Variants in LRP6 observed in about 807,000 individuals in gnomAD.
LRP6 encodes low-density lipoprotein receptor-related protein 6.
LRP6 carries 43 observed loss-of-function variants against 184.1 expected under a neutral mutation model. The observed-to-expected ratio is 0.23, with a 90% CI of 0.18 to 0.30. The LOEUF (loss-of-function observed/expected upper bound fraction) is 0.30, where lower values mean the gene tolerates loss of function less well. LRP6 is among the 10% of genes least tolerant of loss of function. LRP6 has a pLI of 1.00. For missense variants in LRP6, 1,571 were observed against 2,005.3 expected, an observed-to-expected ratio of 0.78 and a Z score of 4.14; for synonymous variants, 719 against 684.9, an observed-to-expected ratio of 1.05 and a Z score of -0.78.
At chr12:12,130,625 T>C (rs1026893093) in intron 19 of LRP6, among the ~76,000 whole-genome samples, 158 bp downstream of exon 19, 5 of 152,216 alleles carry the variant, frequency 3.3e-5, no homozygotes, top group Non-Finnish European at 7.3e-5. Flanking sequence ...AAAGAATTAC[T>C]GAAAGCAAAA....
chr12:12,130,607 C>T (rs974043170), intron 19 of LRP6, among the ~76,000 whole-genome samples, 176 bp downstream of exon 19: 2 of 152,124 alleles, frequency 1.3e-5, no homozygotes, highest in Admixed American at 1.3e-4. Flanking sequence ...AAGAAAACTG[C>T]TATGTTTAAA....
intron 12 of LRP6, chr12:12,155,276 G>C: frequency 1.3e-6 from 1 of 748,420 alleles, no homozygotes; most frequent in Non-Finnish European, 2.5e-6. Context: ...TGAACACAAA[G>C]GGAAAGAGGA....
chr12:12,219,072 G>T (rs1359690766), intron 2 of LRP6, among the ~76,000 whole-genome samples: 3 of 143,188 alleles, frequency 2.1e-5, no homozygotes, highest in Non-Finnish European at 4.6e-5. Flanking sequence ...ATCGCACCGA[G>T]ATCTCACCAC....
chr12:12,258,694 T>C (rs1247272961), intron 1 of LRP6, among the ~76,000 whole-genome samples: 2 of 152,260 alleles, frequency 1.3e-5, no homozygotes, highest in Admixed American at 6.5e-5. Flanking sequence ...TAAGAATTCA[T>C]GGTAATGAAG....
At chr12:12,169,234 GA>G in intron 7 of LRP6, among the ~76,000 whole-genome samples, 1 of 148,750 alleles carries the variant, frequency 6.7e-6, no homozygotes, top group Admixed American at 6.7e-5. Flanking sequence ...GCCTCAAAAT[GA>G]TAATAATAAT....
intron 1 of LRP6, among the ~76,000 whole-genome samples, chr12:12,256,237 G>A (rs2135938323): frequency 6.6e-6 from 1 of 152,312 alleles, no homozygotes; most frequent in East Asian, 1.9e-4. Flanking sequence ...ACTATTTAGT[G>A]CTTCTCCAGC....
intron 2 of LRP6, among the ~76,000 whole-genome samples, chr12:12,219,619 C>G (rs2135867162): frequency 6.6e-6 from 1 of 152,336 alleles, no homozygotes; most frequent in Admixed American, 6.5e-5. Context: ...AATCCTGTAA[C>G]CATTCCCTTT....
At chr12:12,223,230 T>A (rs984753877) in intron 2 of LRP6, among the ~76,000 whole-genome samples, 2 of 151,780 alleles carry the variant, frequency 1.3e-5, no homozygotes, top group Admixed American at 6.6e-5. Flanking sequence ...CCAAACCTTT[T>A]AGATGCATGT....
intron 7 of LRP6, among the ~76,000 whole-genome samples, chr12:12,169,596 C>G (rs1195668369): frequency 2.6e-5 from 4 of 152,126 alleles, no homozygotes; most frequent in Admixed American, 2.6e-4. Flanking sequence ...TATTAACAAG[C>G]TCAACAAAGG....
intron 9 of LRP6, among the ~76,000 whole-genome samples, chr12:12,163,620 A>G (rs972269397): frequency 6.6e-6 from 1 of 152,208 alleles, no homozygotes; most frequent in Admixed American, 6.5e-5. Context: ...AATTTTGTTT[A>G]AAGTAAATCA....
intron 1 of LRP6, among the ~76,000 whole-genome samples, chr12:12,257,300 C>T (rs557051752): frequency 2.0e-5 from 3 of 152,122 alleles, no homozygotes; most frequent in South Asian, 2.1e-4. Flanking sequence ...CTTGACAGGC[C>T]GGGTGCGGTG....
chr12:12,249,175 GAA>G (rs1354216568), intron 1 of LRP6: 10 of 727,838 alleles, frequency 1.4e-5, no homozygotes, highest in Non-Finnish European at 2.0e-5. Context: ...TATGAAAACT[GAA>G]TATACAGCCT....
At chr12:12,185,354 G>A (rs1251371514) in intron 4 of LRP6, among the ~76,000 whole-genome samples, 1 of 152,076 alleles carries the variant, frequency 6.6e-6, no homozygotes, top group Non-Finnish European at 1.5e-5. Context: ...ATTCATACAA[G>A]TGACTGAACA....
intron 7 of LRP6, among the ~76,000 whole-genome samples, chr12:12,172,724 AAT>A (rs1399057659): frequency 6.6e-6 from 1 of 152,242 alleles, no homozygotes; most frequent in Non-Finnish European, 1.5e-5. Context: ...TAGAACATAA[AAT>A]ATAATTTCAC....
At chr12:12,155,149 T>TCA (rs2136928627) in intron 12 of LRP6, 1 of 457,754 alleles carries the variant, frequency 2.2e-6, no homozygotes, top group African/African-American at 2.0e-5. Context: ...TGAGCCAAGA[T>TCA]CACGCCACTT....
intron 1 of LRP6, among the ~76,000 whole-genome samples, chr12:12,265,210 T>C (rs1452071064): frequency 1.5e-5 from 2 of 136,428 alleles, no homozygotes; most frequent in Non-Finnish European, 3.5e-5. Flanking sequence ...ATGCCAATAA[T>C]AAAATAAGTA....
intron 11 of LRP6, 81 bp downstream of exon 11, chr12:12,159,699 T>C: frequency 7.6e-7 from 1 of 1,316,796 alleles, no homozygotes; most frequent in Non-Finnish European, 1.1e-6. Context: ...GTATTAAAAG[T>C]ATCTAACCAA....
At chr12:12,178,495 T>G (rs1863250239) in intron 7 of LRP6, among the ~76,000 whole-genome samples, 1 of 152,294 alleles carries the variant, frequency 6.6e-6, no homozygotes, top group African/African-American at 2.4e-5. Flanking sequence ...TTAAACTGTT[T>G]TCCTAAGCAT....
chr12:12,199,717 G>C (rs1049788027), intron 3 of LRP6, among the ~76,000 whole-genome samples: 15 of 151,996 alleles, frequency 9.9e-5, no homozygotes, highest in African/African-American at 3.4e-4. Context: ...TGTAATTCCA[G>C]CACTTTGGGA....
Sources: allele counts gnomAD v4.1 joint callset (sites outside exome capture counted in the v4.1 genomes callset), GRCh38; gene constraint gnomAD v4.1.1; transcripts MANE v1.5; gene names NCBI Gene and HGNC (gene_info 2026-07-23, HGNC 2026-07-21).